The following MAGI2 variants were observed in gnomAD, a reference collection of about 807,000 sequenced individuals.
The protein encoded by MAGI2 is membrane-associated guanylate kinase, WW and PDZ domain-containing protein 2.
A neutral mutation model predicts 133.3 loss-of-function variants in MAGI2; 35 were observed. That is an observed-to-expected ratio of 0.26 (90% CI 0.20 to 0.35). The LOEUF (loss-of-function observed/expected upper bound fraction) is 0.35, where lower values mean the gene tolerates loss of function less well. Ranked by LOEUF, MAGI2 falls within the 10% of genes least tolerant of loss-of-function variation. MAGI2 has a pLI of 1.00. For synonymous variants in MAGI2, 729 were observed against 710.6 expected (o/e 1.03, Z -0.41); for missense variants, 1,636 against 1,863.4 (o/e 0.88, Z 2.25).
At chr7:79,345,245 T>C (rs537728833) in intron 1 of MAGI2, among the ~76,000 whole-genome samples, 2 of 152,138 alleles carry the variant, frequency 1.3e-5, no homozygotes, top group African/African-American at 4.8e-5. Flanking sequence ...CACAGACACA[T>C]ATATCAGGCT....
At chr7:78,317,390 T>C (rs1316143733) in intron 9 of MAGI2, among the ~76,000 whole-genome samples, 1 of 152,228 alleles carries the variant, frequency 6.6e-6, no homozygotes, top group Non-Finnish European at 1.5e-5. Flanking sequence ...GAATTAGCCA[T>C]TGGCCTCCAC....
At chr7:78,065,761 T>C in intron 21 of MAGI2, 1 of 476,886 alleles carries the variant, frequency 2.1e-6, no homozygotes. Context: ...TTGCTTAGTA[T>C]GTTTAGAGCA....
At chr7:78,136,456 G>C (rs1822148689) in intron 16 of MAGI2, among the ~76,000 whole-genome samples, 1 of 152,090 alleles carries the variant, frequency 6.6e-6, no homozygotes, top group South Asian at 2.1e-4. Flanking sequence ...TGTGTGAGGA[G>C]AGCCACACAC....
chr7:78,679,234 C>A lies in MAGI2; in HGVS notation c.419-51995G>T, dbSNP rs901615406. Among the ~76,000 whole-genome samples the A allele has an allele frequency of 2.0e-5, 3 of 152,114 alleles. No individual in the cohort carries two copies. The East Asian group carries it at 5.8e-4, about 29-fold the overall frequency. On this transcript the variant is annotated intron_variant, in intron 2 of 21. Coordinates refer to ENST00000354212, the MANE Select transcript of MAGI2 (RefSeq NM_012301.4). ...CTGAGAGAGTGAGGCATCCCTACAT[C>A]TGTATTCTTACAGCATCTTGTACAT...
chr7:79,399,468 T>C (rs766252164), intron 1 of MAGI2, among the ~76,000 whole-genome samples: 6 of 152,110 alleles, frequency 3.9e-5, no homozygotes, highest in Non-Finnish European at 5.9e-5. Flanking sequence ...CTGGGTTCAG[T>C]TGCTTCACTG....
At chr7:78,224,068 C>T (rs1048331569) in intron 10 of MAGI2, among the ~76,000 whole-genome samples, 5 of 152,054 alleles carry the variant, frequency 3.3e-5, no homozygotes, top group African/African-American at 1.2e-4. Flanking sequence ...GTTAGGGTAA[C>T]GCTTTCTCAT....
intron 6 of MAGI2, among the ~76,000 whole-genome samples, chr7:78,412,853 G>A (rs578234450): frequency 3.6e-4 from 55 of 152,162 alleles, no homozygotes; most frequent in African/African-American, 9.9e-4. Flanking sequence ...AACTGCAGCC[G>A]TATGTTTCTC....
intron 6 of MAGI2, among the ~76,000 whole-genome samples, chr7:78,404,388 T>G (rs112875484): frequency 2.0e-5 from 3 of 152,140 alleles, no homozygotes; most frequent in Admixed American, 2.0e-4. Context: ...AGAACAAAGC[T>G]GGAGGCATCA....
intron 3 of MAGI2, among the ~76,000 whole-genome samples, chr7:78,573,193 T>TATATAAATATAA (rs1801750826): frequency 1.2e-5 from 1 of 85,456 alleles, no homozygotes; most frequent in Admixed American, 1.8e-4. Context: ...AACTTTTATA[T>TATATAAATATAA]ATATATATAT....
chr7:78,685,777 A>C (rs1816233285), intron 2 of MAGI2, among the ~76,000 whole-genome samples: 1 of 152,026 alleles, frequency 6.6e-6, no homozygotes, highest in African/African-American at 2.4e-5. Context: ...AAGAGAGACA[A>C]GGAGAGAGAG....
intron 3 of MAGI2, among the ~76,000 whole-genome samples, chr7:78,590,260 T>G (rs619747): frequency 0.58 from 87,874 of 151,964 alleles, 26,516 homozygotes; most frequent in Non-Finnish European, 0.66. Context: ...CCTGGAACGC[T>G]AATTCTGCCT....
At chr7:79,301,573 G>T (rs1055495773) in intron 1 of MAGI2, among the ~76,000 whole-genome samples, 3 of 152,168 alleles carry the variant, frequency 2.0e-5, no homozygotes, top group Non-Finnish European at 4.4e-5. Flanking sequence ...GATTTTACAG[G>T]CTCATAGGTA....
chr7:78,603,578 C>A (rs1431854343), intron 3 of MAGI2, among the ~76,000 whole-genome samples: 2 of 152,164 alleles, frequency 1.3e-5, no homozygotes, highest in Non-Finnish European at 2.9e-5. Context: ...GGCTGGAGTG[C>A]ACGACGCGAT....
chr7:78,095,034 G>A (rs144958523), intron 20 of MAGI2, among the ~76,000 whole-genome samples: 5 of 152,278 alleles, frequency 3.3e-5, no homozygotes, highest in African/African-American at 1.2e-4. Context: ...GAGATCAAGA[G>A]TTGCTGGTGG....
chr7:78,117,815 G>GCCTGATATAA, intron 20 of MAGI2, among the ~76,000 whole-genome samples: 1 of 152,266 alleles, frequency 6.6e-6, no homozygotes, highest in East Asian at 1.9e-4. Flanking sequence ...AGTGAATTTT[G>GCCTGATATAA]CCTGATATAA....
chr7:79,308,440 T>C (rs1284806900), intron 1 of MAGI2, among the ~76,000 whole-genome samples: 1 of 152,166 alleles, frequency 6.6e-6, no homozygotes, highest in African/African-American at 2.4e-5. Flanking sequence ...GCGAGTTCAA[T>C]AGTGCAATAA....
rs563466677 is a variant in MAGI2, at chr7:79,069,527, C to T, written c.302-62321G>A. Among the ~76,000 whole-genome samples the T allele has an allele frequency of 2.2e-3, 91 of 40,810 alleles. 2 individuals carry two copies. The highest frequency in any genetic ancestry group is 0.022 in the South Asian group (20 of 904). The allele number at this position is 40,810 out of a possible 152,430, so 26.8% of individuals were successfully genotyped here. A position where few individuals can be genotyped will look rare whatever the true frequency, so the allele number is the denominator to read the frequency against. On this transcript the variant is annotated intron_variant, in intron 1 of 21. Coordinates refer to ENST00000354212, the MANE Select transcript of MAGI2 (RefSeq NM_012301.4). Reference sequence around the variant, plus strand: ...AAATGGGTCTCCTGAATACAACACACCGATGGGTCTTGACTCTATCCAATT... The same window carrying T: ...AAATGGGTCTCCTGAATACAACACATCGATGGGTCTTGACTCTATCCAATT...
intron 2 of MAGI2, among the ~76,000 whole-genome samples, chr7:78,755,486 T>G (rs959220308): frequency 6.6e-6 from 1 of 152,222 alleles, no homozygotes; most frequent in Admixed American, 6.5e-5. Context: ...CGTGTTTCAT[T>G]TAATGTAATA....
intron 2 of MAGI2, among the ~76,000 whole-genome samples, chr7:78,908,485 T>A (rs1798147077): frequency 6.6e-6 from 1 of 152,196 alleles, no homozygotes; most frequent in Non-Finnish European, 1.5e-5. Context: ...GGATCCTGAT[T>A]GTGACCTAAA....
Sources: allele counts gnomAD v4.1 joint callset (sites outside exome capture counted in the v4.1 genomes callset), GRCh38; gene constraint gnomAD v4.1.1; transcripts MANE v1.5; gene names NCBI Gene and HGNC (gene_info 2026-07-23, HGNC 2026-07-21).